The following NCKAP5 variants were observed in gnomAD, a reference collection of about 807,000 sequenced individuals.
NCKAP5 encodes NCK associated protein 5.
NCKAP5 carries 92 observed loss-of-function variants against 167.0 expected under a neutral mutation model. The observed-to-expected ratio is 0.55, with a 90% CI of 0.47 to 0.66. The LOEUF (loss-of-function observed/expected upper bound fraction) is 0.66. NCKAP5 is among the 30% of genes least tolerant of loss of function. The pLI is 0.00. For synonymous variants in NCKAP5, 891 were observed against 877.4 expected (o/e 1.02, Z -0.27); for missense variants, 2,378 against 2,315.0 (o/e 1.03, Z -0.56).
intron 4 of NCKAP5, among the ~76,000 whole-genome samples, chr2:133,280,740 G>T (rs927751245): frequency 4.6e-5 from 7 of 152,174 alleles, no homozygotes; most frequent in Non-Finnish European, 8.8e-5. Context: ...AACCTTGCCA[G>T]TTCTATGTAA....
At chr2:133,042,292 A>G (rs2079242045) in intron 6 of NCKAP5, among the ~76,000 whole-genome samples, 1 of 152,140 alleles carries the variant, frequency 6.6e-6, no homozygotes. Flanking sequence ...TGGAGTGGGC[A>G]TTCAGTACTT....
intron 7 of NCKAP5, among the ~76,000 whole-genome samples, chr2:132,991,555 A>ACC (rs2077447804): frequency 6.6e-6 from 1 of 152,206 alleles, no homozygotes; most frequent in Non-Finnish European, 1.5e-5. Flanking sequence ...CCCTGAACAA[A>ACC]ATATGACTAC....
chr2:133,511,348 G>A, intron 3 of NCKAP5, among the ~76,000 whole-genome samples: 1 of 152,154 alleles, frequency 6.6e-6, no homozygotes, highest in East Asian at 1.9e-4. Flanking sequence ...TAGCTCATCT[G>A]CTCCCAGCTC....
chr2:133,358,762 G>T (rs1684905150), intron 3 of NCKAP5, among the ~76,000 whole-genome samples: 1 of 152,040 alleles, frequency 6.6e-6, no homozygotes. Flanking sequence ...ACTATAAATG[G>T]CTGTTAACAA....
At chr2:132,788,534 T>C (rs1470954709) in intron 13 of NCKAP5, among the ~76,000 whole-genome samples, 1 of 152,138 alleles carries the variant, frequency 6.6e-6, no homozygotes, top group African/African-American at 2.4e-5. Context: ...AGCACCTCAG[T>C]GTCCTCTTCT....
At chr2:133,499,463 T>C (rs758456794) in intron 3 of NCKAP5, among the ~76,000 whole-genome samples, 14 of 152,348 alleles carry the variant, frequency 9.2e-5, no homozygotes, top group Non-Finnish European at 1.6e-4. Flanking sequence ...GGTGGACACA[T>C]CTTCTTGCCA....
At chr2:132,959,258 G>A (rs1334769711) in intron 8 of NCKAP5, among the ~76,000 whole-genome samples, 1 of 151,976 alleles carries the variant, frequency 6.6e-6, no homozygotes, top group Non-Finnish European at 1.5e-5. Flanking sequence ...TCATGGAAAG[G>A]TATAATTGAG....
chr2:133,319,006 C>G (rs1681823434), intron 3 of NCKAP5, among the ~76,000 whole-genome samples: 1 of 152,138 alleles, frequency 6.6e-6, no homozygotes, highest in Non-Finnish European at 1.5e-5. Context: ...GCCCACTGAA[C>G]TCTGGGGGTG....
intron 19 of NCKAP5, among the ~76,000 whole-genome samples, chr2:132,705,195 C>T (rs1280068074): frequency 6.6e-6 from 1 of 152,082 alleles, no homozygotes; most frequent in Non-Finnish European, 1.5e-5. Context: ...TCTCTTACAT[C>T]ATCAGTTTTT....
At chr2:133,425,411 CAG>C (rs1689729379) in intron 3 of NCKAP5, among the ~76,000 whole-genome samples, 2 of 152,146 alleles carry the variant, frequency 1.3e-5, no homozygotes, top group East Asian at 3.9e-4. Flanking sequence ...GGAAAGTAAT[CAG>C]GGGGGTAGTC....
At chr2:133,322,287 G>C (rs1011679152) in intron 3 of NCKAP5, among the ~76,000 whole-genome samples, 6 of 152,030 alleles carry the variant, frequency 3.9e-5, no homozygotes, top group Admixed American at 6.5e-5. Flanking sequence ...ACAAAGCATA[G>C]ATGCAAGAAA....
intron 6 of NCKAP5, among the ~76,000 whole-genome samples, chr2:133,022,949 G>A (rs2078576627): frequency 6.6e-6 from 1 of 152,200 alleles, no homozygotes. Flanking sequence ...AGAGGCCCAT[G>A]TGGCATTGAA....
chr2:132,697,719 T>G (rs1025283524), intron 19 of NCKAP5, among the ~76,000 whole-genome samples: 2 of 152,204 alleles, frequency 1.3e-5, no homozygotes, highest in African/African-American at 4.8e-5. Context: ...GAAATGAATT[T>G]TCTTTCAAAT....
chr2:133,212,074 C>A (rs1405760038), intron 5 of NCKAP5, among the ~76,000 whole-genome samples: 1 of 152,186 alleles, frequency 6.6e-6, no homozygotes, highest in African/African-American at 2.4e-5. Context: ...GGCAAATGCT[C>A]AAAATCATGA....
At chr2:133,379,460 A>G (rs1392832199) in intron 3 of NCKAP5, among the ~76,000 whole-genome samples, 3 of 152,162 alleles carry the variant, frequency 2.0e-5, no homozygotes, top group Non-Finnish European at 4.4e-5. Context: ...ATTTTATGTC[A>G]AGTGAAGGGA....
chr2:133,175,213 T>C lies in NCKAP5; in HGVS notation c.207+38503A>G, dbSNP rs1400474810. ...CCCATAATTGGGTTTTTCTATTGGA[T>C]CCTTGAACCTAAGATTTTAAGGGTT... is the stretch of plus-strand genomic sequence containing the variant. On this transcript the variant is annotated intron_variant, in intron 5 of 19. Transcript: ENST00000409261. Among the ~76,000 whole-genome samples the C allele has an allele frequency of 3.9e-5, 6 of 152,234 alleles. No homozygotes were observed. The East Asian group carries it at 1.2e-3, about 29-fold the overall frequency.
the NCKAP5 span, among the ~76,000 whole-genome samples, chr2:133,621,970 G>A: frequency 6.6e-6 from 1 of 152,030 alleles, no homozygotes; most frequent in Non-Finnish European, 1.5e-5. Context: ...GGATGCAGGG[G>A]TGGTTTAATA....
intron 4 of NCKAP5, among the ~76,000 whole-genome samples, chr2:133,234,757 T>C (rs1203917943): frequency 6.6e-6 from 1 of 152,036 alleles, no homozygotes; most frequent in African/African-American, 2.4e-5. Flanking sequence ...TGTCAAATTT[T>C]ACTTTTAAAA....
chr2:133,515,358 C>T (rs1402395383), intron 3 of NCKAP5, among the ~76,000 whole-genome samples: 1 of 152,158 alleles, frequency 6.6e-6, no homozygotes, highest in African/African-American at 2.4e-5. Context: ...TTAAGCACCC[C>T]CCTACACACT....
Sources: gnomAD v4.1 joint callset for allele counts (sites outside exome capture counted in the v4.1 genomes callset) on GRCh38, gnomAD v4.1.1 for gene constraint, MANE v1.5 for transcripts, NCBI Gene and HGNC (gene_info 2026-07-23, HGNC 2026-07-21) for gene names.